The following PTPRO variants were observed in gnomAD, a reference collection of about 807,000 sequenced individuals.
PTPRO encodes the protein protein tyrosine phosphatase receptor type O, also known as receptor-type tyrosine-protein phosphatase O.
PTPRO carries 62 observed loss-of-function variants against 145.2 expected under a neutral mutation model. The ratio of observed to expected loss-of-function variants is 0.43; its 90% CI spans 0.35 to 0.53. PTPRO has a LOEUF of 0.53. Among genes scored for constraint, PTPRO ranks in the 20% least tolerant of loss-of-function variants. The probability of loss-of-function intolerance (pLI) is 0.01; values close to 1 mark genes in which losing one functional copy is unlikely to be tolerated. For synonymous variants in PTPRO, 565 were observed against 514.7 expected (o/e 1.10, Z -1.32); for missense variants, 1,345 against 1,482.7 (o/e 0.91, Z 1.53).
chr12:15,570,042 T>C (rs1015509567), intron 19 of PTPRO, among the ~76,000 whole-genome samples: 1 of 152,212 alleles, frequency 6.6e-6, no homozygotes, highest in Non-Finnish European at 1.5e-5. Flanking sequence ...AAGTTACACA[T>C]GATTTGTGTT....
chr12:15,515,693 C>G, intron 8 of PTPRO, 75 bp downstream of exon 8: 1 of 1,576,986 alleles, frequency 6.3e-7, no homozygotes, highest in Non-Finnish European at 8.7e-7. Flanking sequence ...TGTGCGAGCT[C>G]AAATCATTAT....
intron 1 of PTPRO, among the ~76,000 whole-genome samples, chr12:15,469,768 CAAAAAAAA>C (rs3085503): frequency 1.1e-4 from 12 of 110,406 alleles, no homozygotes; most frequent in Admixed American, 9.5e-4. Context: ...AGTGTCCTGA[CAAAAAAAA>C]AAAAAAAAAA....
At chr12:15,592,481 G>A (rs908083492) in intron 25 of PTPRO, among the ~76,000 whole-genome samples, 12 of 152,028 alleles carry the variant, frequency 7.9e-5, no homozygotes, top group Non-Finnish European at 1.5e-4. Context: ...CCAAAAAATT[G>A]CAGAAGTAGC....
Position 15,515,991 on chromosome 12 carries a change from T to G in PTPRO, c.1585+373T>G, listed in dbSNP as rs1363698518. On this transcript the variant is annotated intron_variant, in intron 8 of 26. Coordinates refer to ENST00000281171, the MANE Select transcript of PTPRO (RefSeq NM_030667.3). Reference sequence around the variant, plus strand: ...TGTTTGTCTGGTTTTTTTTTTGTTTTGTTTTTTTTTTTTTTTGGAGACAGA... The same window carrying G: ...TGTTTGTCTGGTTTTTTTTTTGTTTGGTTTTTTTTTTTTTTTGGAGACAGA... Among the ~76,000 whole-genome samples the G allele has an allele frequency of 1.5e-5, 2 of 131,090 alleles. 1 individual carries two copies. Among genetic ancestry groups the G allele is most frequent in the African/African-American group, 6.0e-5 (2 of 33,426 alleles). 86.0% of individuals were successfully genotyped at this position (131,090 alleles called of 152,430 possible).
intron 13 of PTPRO, 107 bp from the exon 14 acceptor site, chr12:15,548,987 A>C: frequency 8.1e-7 from 1 of 1,235,934 alleles, no homozygotes; most frequent in Non-Finnish European, 1.2e-6. Context: ...TTGTCATCTT[A>C]TACATTTTTT....
At chr12:15,418,784 ATTCTTACTT>A (rs2050263934) in intron 1 of PTPRO, among the ~76,000 whole-genome samples, 1 of 151,770 alleles carries the variant, frequency 6.6e-6, no homozygotes, top group Admixed American at 6.6e-5. Flanking sequence ...GATGGACCAG[ATTCTTACTT>A]TAACATCTTT....
chr12:15,411,661 C>T (rs1444294882), intron 1 of PTPRO, among the ~76,000 whole-genome samples: 1 of 152,136 alleles, frequency 6.6e-6, no homozygotes, highest in Non-Finnish European at 1.5e-5. Flanking sequence ...CAGATCTTGC[C>T]GGACTTATTT....
At position 15,501,731 on chromosome 12, in the gene PTPRO, C is replaced by A. The variant is rs1942225594; in HGVS notation, c.773C>A (p.Thr258Lys). 4 of 1,613,716 alleles carry A rather than the reference C, an allele frequency of 2.5e-6. No homozygotes were observed. The highest frequency in any genetic ancestry group is 3.4e-6 in the Non-Finnish European group (4 of 1,179,810). The change falls in exon 5 of 27, where the codon ACA (threonine) becomes AAA (lysine). Residue 258 changes from threonine (T) to lysine (K), a missense_variant. Transcript: ENST00000281171. ...PEESFMRSQD[T>K]IGKEKLFHFT... ...GAATCCTTCATGAGATCACAAGATA[C>A]AATAGGAAAAGAAAAACTCTTCCAT...
intron 13 of PTPRO, among the ~76,000 whole-genome samples, chr12:15,548,515 T>C (rs1943360704): frequency 6.9e-6 from 1 of 144,556 alleles, no homozygotes; most frequent in South Asian, 2.3e-4. Context: ...TGTGTATATA[T>C]GTGTGTATAT....
chr12:15,411,739 A>G (rs1033971499), intron 1 of PTPRO, among the ~76,000 whole-genome samples: 5 of 152,268 alleles, frequency 3.3e-5, no homozygotes, highest in Admixed American at 2.6e-4. Context: ...TGGGCGACAG[A>G]AATACAACCT....
intron 1 of PTPRO, among the ~76,000 whole-genome samples, chr12:15,448,382 T>C: frequency 8.7e-6 from 1 of 115,518 alleles, no homozygotes; most frequent in Non-Finnish European, 1.8e-5. Flanking sequence ...GAAGGAAGTG[T>C]GGTAAGGAAC....
chr12:15,439,437 T>A (rs1415871583), intron 1 of PTPRO: 1 of 180,292 alleles, frequency 5.5e-6, no homozygotes, highest in Non-Finnish European at 1.2e-5. Flanking sequence ...TAACCTTAAA[T>A]TTTAATGGTC....
rs535898904 is a variant in PTPRO, at chr12:15,585,798, A to T, written c.3256-1099A>T. ...GAAGCCTGGGTTTGGGATATTTCTGATGGCTGATAACAAGTGGAGAATATG... is the reference window on the plus strand; with the variant it reads ...GAAGCCTGGGTTTGGGATATTTCTGTTGGCTGATAACAAGTGGAGAATATG... On this transcript the variant is annotated intron_variant, in intron 23 of 26. Coordinates refer to ENST00000281171, the MANE Select transcript of PTPRO (RefSeq NM_030667.3). Among the ~76,000 whole-genome samples, 169 of 152,294 alleles carry T rather than the reference A, an allele frequency of 1.1e-3. 1 individual carries two copies. Among genetic ancestry groups the T allele is most frequent in the African/African-American group, 4.0e-3 (167 of 41,558 alleles).
chr12:15,496,149 T>TTTTTTTTTTTTTTG (rs1942101040), intron 2 of PTPRO, among the ~76,000 whole-genome samples: 1 of 139,156 alleles, frequency 7.2e-6, no homozygotes, highest in Non-Finnish European at 1.6e-5. Flanking sequence ...TTTGTTTTTT[T>TTTTTTTTTTTTTTG]TTTTTTTTTT....
chr12:15,471,402 G>A (rs1941538679), intron 1 of PTPRO, among the ~76,000 whole-genome samples: 1 of 152,062 alleles, frequency 6.6e-6, no homozygotes, highest in African/African-American at 2.4e-5. Flanking sequence ...AATAGGCTCA[G>A]GCACCAAATC....
At chr12:15,437,776 A>C (rs1019674958) in intron 1 of PTPRO, among the ~76,000 whole-genome samples, 6 of 152,182 alleles carry the variant, frequency 3.9e-5, no homozygotes, top group African/African-American at 1.4e-4. Context: ...CTGACTCCAC[A>C]TTTAGACACA....
At chr12:15,508,905 C>T (rs1384752437) in intron 7 of PTPRO, 138 bp downstream of exon 7, 1 of 839,812 alleles carries the variant, frequency 1.2e-6, no homozygotes, top group African/African-American at 1.7e-5. Context: ...TCCCAAGAGC[C>T]AGAGGGGCCA....
At chr12:15,505,899 A>C (rs898579934) in intron 6 of PTPRO, among the ~76,000 whole-genome samples, 6 of 152,234 alleles carry the variant, frequency 3.9e-5, no homozygotes, top group African/African-American at 1.4e-4. Flanking sequence ...CCCAGAGATG[A>C]GAATTCAGGT....
intron 1 of PTPRO, among the ~76,000 whole-genome samples, chr12:15,335,252 A>C (rs1001085840): frequency 5.3e-5 from 8 of 152,062 alleles, no homozygotes; most frequent in Non-Finnish European, 8.8e-5. Context: ...CTAGGAAAAA[A>C]AATTGGCTTC....
Sources: gnomAD v4.1 joint callset for allele counts (sites outside exome capture counted in the v4.1 genomes callset) on GRCh38, gnomAD v4.1.1 for gene constraint, MANE v1.5 for transcripts, NCBI Gene and HGNC (gene_info 2026-07-23, HGNC 2026-07-21) for gene names.